Variants in RGS18 observed in about 807,000 individuals in gnomAD.
RGS18 encodes regulator of G-protein signaling 18.
RGS18 carries 22 observed loss-of-function variants against 27.6 expected under a neutral mutation model. The ratio of observed to expected loss-of-function variants is 0.80; its 90% confidence interval spans 0.57 to 1.14. RGS18 has a LOEUF of 1.14. RGS18 is among the 50% of genes most tolerant of loss of function. RGS18 has a pLI of 0.00. For synonymous variants in RGS18, 89 were observed against 84.6 expected (o/e 1.05, Z -0.29); for missense variants, 299 against 269.6 (o/e 1.11, Z -0.76).
intron 3 of RGS18, 46 bp from the exon 4 acceptor site, chr1:192,181,246 C>T (rs1225624012): frequency 4.7e-6 from 5 of 1,071,292 alleles, no homozygotes; most frequent in African/African-American, 3.3e-5. Flanking sequence ...TAAATGTTTC[C>T]AACATTAATA....
intron 3 of RGS18, among the ~76,000 whole-genome samples, chr1:192,176,079 C>A (rs114416189): frequency 8.0e-4 from 121 of 151,818 alleles, no homozygotes; most frequent in African/African-American, 2.8e-3. Flanking sequence ...TATCCCTGGG[C>A]TAAAGTGTCA....
Position 192,184,621 on chromosome 1 carries a change from T to C in RGS18, c.*67T>C. 6.9e-7 allele frequency: 1 copy of C among 1,454,984 alleles called. No individual in the cohort carries two copies. Among genetic ancestry groups the C allele is most frequent in the Non-Finnish European group, 9.5e-7 (1 of 1,056,408 alleles). 90.1% of individuals were successfully genotyped at this position (1,454,984 alleles called of 1,614,324 possible). On this transcript the variant is annotated 3_prime_UTR_variant, in exon 5 of 5. Coordinates refer to ENST00000367460, the MANE Select transcript of RGS18 (RefSeq NM_130782.3). ...CTGCTTCTAACATATCGCATGTTTA[T>C]GTTAAGATTTGGTCCCATCCTTTAA...
intron 2 of RGS18, 48 bp from the exon 3 acceptor site, chr1:192,160,330 A>G (rs1392808745): frequency 7.1e-6 from 9 of 1,260,564 alleles, no homozygotes; most frequent in African/African-American, 1.5e-5. Flanking sequence ...AGATTCATAA[A>G]CAGACTTTCT....
intron 3 of RGS18, among the ~76,000 whole-genome samples, chr1:192,178,977 G>A (rs1007446267): frequency 2.6e-5 from 4 of 151,274 alleles, no homozygotes; most frequent in Admixed American, 6.6e-5. Context: ...AGAGAAGATG[G>A]GCAAATAGGG....
intron 3 of RGS18, among the ~76,000 whole-genome samples, chr1:192,164,962 C>T (rs1263335735): frequency 5.3e-5 from 8 of 152,118 alleles, no homozygotes; most frequent in Non-Finnish European, 1.0e-4. Context: ...AGGATAACAG[C>T]AATGTTCAGG....
At chr1:192,173,822 GTTTTA>G (rs1225395949) in intron 3 of RGS18, among the ~76,000 whole-genome samples, 2 of 151,576 alleles carry the variant, frequency 1.3e-5, no homozygotes, top group East Asian at 1.9e-4. Context: ...CTTGCTAGGG[GTTTTA>G]TTTTATTAAT....
Position 192,158,753 on chromosome 1 carries a change from T to C in RGS18, c.116T>C (p.Ile39Thr). 3 of 1,549,136 alleles carry C rather than the reference T, an allele frequency of 1.9e-6. No individual in the cohort carries two copies. Among genetic ancestry groups the C allele is most frequent in the East Asian group, 4.6e-5 (2 of 43,084 alleles). Residue 39 changes from isoleucine (I) to threonine (T), a missense_variant, in exon 1 of 5, where the codon ATC (isoleucine) becomes ACC (threonine). Ile to Thr is a moderately conservative substitution (Grantham distance 89). Transcript: ENST00000367460. ...GKEETSKEAK[I>T]RAKEKRNRLS... ...GAAGAAACAAGCAAAGAAGCCAAAA[T>C]CAGGTAAAATTGTACAATTTTAAGT...
intron 1 of RGS18, among the ~76,000 whole-genome samples, 192 bp from the exon 2 acceptor site, chr1:192,159,028 G>A (rs912719061): frequency 3.3e-5 from 5 of 151,688 alleles, no homozygotes; most frequent in South Asian, 2.1e-4. Context: ...CTTGATTGTC[G>A]GTGAGCAAAA....
chr1:192,179,208 C>G (rs577230771), intron 3 of RGS18, among the ~76,000 whole-genome samples: 1 of 151,534 alleles, frequency 6.6e-6, no homozygotes, highest in African/African-American at 2.4e-5. Context: ...GTGGGAAGTC[C>G]AGATGGGACT....
chr1:192,171,832 G>C (rs754575746), intron 3 of RGS18, among the ~76,000 whole-genome samples: 10 of 152,034 alleles, frequency 6.6e-5, no homozygotes, highest in Non-Finnish European at 1.2e-4. Context: ...GATACAAAAA[G>C]AATAATTTGA....
intron 3 of RGS18, among the ~76,000 whole-genome samples, chr1:192,162,581 C>A (rs962428089): frequency 6.6e-6 from 1 of 152,152 alleles, no homozygotes; most frequent in African/African-American, 2.4e-5. Context: ...TCATGCCCAG[C>A]CCCAGTATAC....
rs567085477 is a variant in RGS18 at position 192,173,406 on chromosome 1, G to GT, written c.284-7878dup. 8.5e-4 allele frequency among the ~76,000 whole-genome samples: 129 copies of GT among 151,378 alleles called. 1 individual carries two copies. In the South Asian group the frequency reaches 0.017, roughly 20 times the overall value. ...TCCTTCTTAGTCTTAGTCTTTACTT[G>GT]TTTTTTTTATGGGGCAGAGTGTCAA... On this transcript the variant is annotated intron_variant, in intron 3 of 4. Transcript: ENST00000367460.
intron 3 of RGS18, chr1:192,161,356 G>C (rs1656068874): frequency 6.6e-6 from 1 of 152,090 alleles, no homozygotes; most frequent in African/African-American, 2.4e-5. Context: ...TGGCTTAGGA[G>C]GCAGGCTCCC....
chr1:192,180,604 A>G (rs1440642060), intron 3 of RGS18, among the ~76,000 whole-genome samples: 1 of 151,698 alleles, frequency 6.6e-6, no homozygotes, highest in African/African-American at 2.4e-5. Flanking sequence ...ATACTTTGTA[A>G]GCCACTTGGA....
At chr1:192,174,550 C>A (rs2102157246) in intron 3 of RGS18, among the ~76,000 whole-genome samples, 1 of 151,880 alleles carries the variant, frequency 6.6e-6, no homozygotes, top group African/African-American at 2.4e-5. Context: ...AATTTTTCTA[C>A]TTCTGTTCTA....
At chr1:192,181,512 A>C in intron 4 of RGS18, 54 bp downstream of exon 4, 1 of 1,198,748 alleles carries the variant, frequency 8.3e-7, no homozygotes, top group Non-Finnish European at 1.1e-6. Flanking sequence ...TTTTTTAATA[A>C]TTTTATTTTT....
chr1:192,182,693 C>G (rs1656477218), intron 4 of RGS18, among the ~76,000 whole-genome samples: 1 of 151,490 alleles, frequency 6.6e-6, no homozygotes, highest in African/African-American at 2.4e-5. Context: ...TATTTTCATT[C>G]TAGACTAAGA....
In RGS18 at chr1:192,162,062, G is replaced by A. The variant is rs181751323; in HGVS notation, c.283+1623G>A. ...GAAATCAAGGCTTAAACTTAGTTAA[G>A]GATGTAATCAATGAGAATGGAGAGT... On this transcript the variant is annotated intron_variant, in intron 3 of 4. Transcript: ENST00000367460. Among the ~76,000 whole-genome samples, 46 of 152,306 alleles carry A rather than the reference G, an allele frequency of 3.0e-4. No homozygotes were observed. In the East Asian group the frequency reaches 6.8e-3, roughly 22 times the overall value.
At position 192,185,515 on chromosome 1, in the gene RGS18, T is replaced by C. The variant is rs1471896406; in HGVS notation, c.*961T>C. The C allele has an allele frequency of 2.0e-5, 3 of 151,642 alleles. No individual in the cohort carries two copies. The South Asian group carries it at 6.2e-4, about 31-fold the overall frequency. 9.4% of individuals were successfully genotyped at this position (151,642 alleles called of 1,614,324 possible). ...TTTGGGCATCTGCCACATTGGTTCA[T>C]ATTCAGAAAGTGTTATCTCATTGAT... On this transcript the variant is annotated 3_prime_UTR_variant, in exon 5 of 5. Coordinates refer to ENST00000367460, the MANE Select transcript of RGS18 (RefSeq NM_130782.3).
Sources: gnomAD v4.1 joint callset for allele counts (sites outside exome capture counted in the v4.1 genomes callset) on GRCh38, gnomAD v4.1.1 for gene constraint, MANE v1.5 for transcripts, NCBI Gene and HGNC (gene_info 2026-07-23, HGNC 2026-07-21) for gene names.